The following MORC1 variants were observed in gnomAD, a reference collection of about 807,000 sequenced individuals.
MORC1 encodes the protein MORC family CW-type zinc finger 1, also known as MORC family CW-type zinc finger protein 1.
A neutral mutation model predicts 134.9 loss-of-function variants in MORC1; 59 were observed. The observed-to-expected ratio is 0.44, with a 90% CI of 0.35 to 0.54. The LOEUF is 0.54. MORC1 is among the 20% of genes least tolerant of loss of function. The probability of loss-of-function intolerance (pLI) is 0.00; values close to 1 mark genes in which losing one functional copy is unlikely to be tolerated. For missense variants in MORC1, 947 were observed against 1,134.5 expected (o/e 0.83, Z 2.37); for synonymous variants, 395 against 391.7 (o/e 1.01, Z -0.10).
intron 2 of MORC1, among the ~76,000 whole-genome samples, chr3:109,113,471 T>C (rs1397452806): frequency 6.6e-6 from 1 of 151,996 alleles, no homozygotes; most frequent in East Asian, 1.9e-4. Context: ...AGGCAAAAAA[T>C]GGGGAACAAA....
At chr3:109,016,306 C>G (rs1227207915) in intron 17 of MORC1, among the ~76,000 whole-genome samples, 1 of 152,184 alleles carries the variant, frequency 6.6e-6, no homozygotes, top group Non-Finnish European at 1.5e-5. Context: ...TTGTCCCTAA[C>G]TAGCTTCTGT....
At chr3:109,009,543 T>A (rs930797144) in intron 17 of MORC1, among the ~76,000 whole-genome samples, 6 of 152,206 alleles carry the variant, frequency 3.9e-5, no homozygotes, top group African/African-American at 1.4e-4. Context: ...AGGCTTTTTA[T>A]GTGAAGAGTA....
intron 17 of MORC1, among the ~76,000 whole-genome samples, chr3:109,013,964 C>T (rs1312559900): frequency 1.3e-5 from 2 of 152,130 alleles, no homozygotes; most frequent in Non-Finnish European, 2.9e-5. Context: ...AAGATACTGG[C>T]ACCTTGATAT....
In MORC1 at chr3:109,080,682, A is replaced by G. The variant is rs543660628; in HGVS notation, c.690-10925T>C. ...CCAATCAAAATCCCAAGAGCATTTT[A>G]TAATAAAACTTGAAAAGCTGATTTT... On this transcript the variant is annotated intron_variant, in intron 8 of 27. Transcript: ENST00000232603. Among the ~76,000 whole-genome samples the G allele has an allele frequency of 1.1e-4, 17 of 152,340 alleles. 1 individual carries two copies. In the South Asian group the frequency reaches 3.5e-3, roughly 32 times the overall value.
At chr3:109,052,375 CT>C (rs1949849792) in intron 14 of MORC1, among the ~76,000 whole-genome samples, 1 of 152,104 alleles carries the variant, frequency 6.6e-6, no homozygotes, top group Non-Finnish European at 1.5e-5. Context: ...TATAAATCAC[CT>C]GGAGATCTTG....
At chr3:109,098,416 A>C (rs1434553137) in intron 6 of MORC1, among the ~76,000 whole-genome samples, 2 of 152,164 alleles carry the variant, frequency 1.3e-5, no homozygotes, top group East Asian at 1.9e-4. Flanking sequence ...TCAGGCTCCC[A>C]CACGGCTTAC....
At chr3:109,045,671 T>A (rs942020972) in intron 14 of MORC1, among the ~76,000 whole-genome samples, 1 of 152,206 alleles carries the variant, frequency 6.6e-6, no homozygotes, top group African/African-American at 2.4e-5. Flanking sequence ...GTGGTGAAGA[T>A]GCTACAGTCC....
intron 14 of MORC1, among the ~76,000 whole-genome samples, chr3:109,038,331 A>G (rs539733423): frequency 2.7e-5 from 4 of 147,720 alleles, no homozygotes; most frequent in Non-Finnish European, 6.0e-5. Context: ...GTAGATTCTG[A>G]TATTAGTCCT....
intron 17 of MORC1, among the ~76,000 whole-genome samples, chr3:109,013,565 T>C (rs935891704): frequency 1.3e-5 from 2 of 152,210 alleles, no homozygotes; most frequent in African/African-American, 4.8e-5. Context: ...CATCTCTAGA[T>C]GTGTCCTTCT....
chr3:109,100,398 A>G lies in MORC1; in HGVS notation c.314+19T>C, dbSNP rs751315922. On this transcript the variant is annotated intron_variant, in intron 5 of 27. Coordinates refer to ENST00000232603, the MANE Select transcript of MORC1 (RefSeq NM_014429.4). ...CCCAGTATCAATAATATATGTCTTA[A>G]GGGAAAAAAAATTCTCACCTTTTAA... 34 of 1,571,130 alleles carry G rather than the reference A, an allele frequency of 2.2e-5. 1 individual carries two copies. Among genetic ancestry groups the G allele is most frequent in the Middle Eastern group, 3.3e-4 (2 of 5,972 alleles).
intron 17 of MORC1, among the ~76,000 whole-genome samples, chr3:109,024,564 C>A (rs1410033687): frequency 6.6e-6 from 1 of 152,142 alleles, no homozygotes; most frequent in African/African-American, 2.4e-5. Flanking sequence ...TGCCTGCTAC[C>A]ATTAAAGCTG....
At chr3:108,961,206 C>A (rs1423623737) in intron 27 of MORC1, among the ~76,000 whole-genome samples, 1 of 152,186 alleles carries the variant, frequency 6.6e-6, no homozygotes, top group Non-Finnish European at 1.5e-5. Context: ...GCCTCTGCAT[C>A]TTTTCTCTGG....
rs1256148585 is a variant in MORC1, at chr3:109,004,151, T to C, written c.2085+666A>G. ...AAAATATCTTGCCTCCCTCCATGAC[T>C]ACACTCCCACCATGACTACCCACTG... On this transcript the variant is annotated intron_variant, in intron 20 of 27. Transcript: ENST00000232603. 3.2e-4 allele frequency among the ~76,000 whole-genome samples: 49 copies of C among 152,198 alleles called. 1 individual carries two copies. Among genetic ancestry groups the C allele is most frequent in the Admixed American group, 3.2e-3 (49 of 15,280 alleles).
intron 27 of MORC1, among the ~76,000 whole-genome samples, chr3:108,963,093 C>T (rs1397732136): frequency 6.6e-6 from 1 of 150,522 alleles, no homozygotes. Context: ...AAGGCTGAGG[C>T]AGGAGGAATC....
At chr3:109,029,082 C>G (rs1949169781) in intron 16 of MORC1, among the ~76,000 whole-genome samples, 1 of 152,206 alleles carries the variant, frequency 6.6e-6, no homozygotes, top group African/African-American at 2.4e-5. Context: ...AGACCCATCA[C>G]TTCTCTGTTC....
intron 17 of MORC1, among the ~76,000 whole-genome samples, chr3:109,026,523 G>T (rs761427262): frequency 2.0e-5 from 3 of 152,092 alleles, no homozygotes; most frequent in Non-Finnish European, 4.4e-5. Flanking sequence ...TAGTATACTG[G>T]GGTTGGCTAT....
chr3:108,969,168 C>T (rs1947302864), intron 26 of MORC1, among the ~76,000 whole-genome samples: 1 of 151,968 alleles, frequency 6.6e-6, no homozygotes, highest in African/African-American at 2.4e-5. Context: ...ATATTAATAT[C>T]AGTGATCTTG....
At chr3:109,062,115 G>T in intron 10 of MORC1, 57 bp from the exon 11 acceptor site, 2 of 1,496,870 alleles carry the variant, frequency 1.3e-6, no homozygotes, top group Non-Finnish European at 1.9e-6. Flanking sequence ...GCAATTTTAA[G>T]TGAGTATTTT....
chr3:109,096,241 T>C (rs1441935847), intron 6 of MORC1, among the ~76,000 whole-genome samples: 1 of 152,084 alleles, frequency 6.6e-6, no homozygotes, highest in East Asian at 1.9e-4. Context: ...TGAATCAGAG[T>C]GACTCCATCT....
Sources: gnomAD v4.1 joint callset for allele counts (sites outside exome capture counted in the v4.1 genomes callset) on GRCh38, gnomAD v4.1.1 for gene constraint, MANE v1.5 for transcripts, NCBI Gene and HGNC (gene_info 2026-07-23, HGNC 2026-07-21) for gene names.